Variants in FBXW7 observed in about 807,000 individuals in gnomAD.
FBXW7 encodes the protein F-box/WD repeat-containing protein 7.
FBXW7 carries 11 observed loss-of-function variants against 86.3 expected under a neutral mutation model. That is an observed-to-expected ratio of 0.13 (90% CI 0.08 to 0.21). FBXW7 has a LOEUF of 0.21. Among genes scored for constraint, FBXW7 ranks in the 10% least tolerant of loss-of-function variants. The pLI is 1.00. For synonymous variants in FBXW7, 313 were observed against 297.9 expected, an observed-to-expected ratio of 1.05 and a Z score of -0.52; for missense variants, 488 against 847.4, an observed-to-expected ratio of 0.58 and a Z score of 5.27.
chr4:152,389,044 C>T (rs1470948165), intron 4 of FBXW7, among the ~76,000 whole-genome samples: 1 of 151,884 alleles, frequency 6.6e-6, no homozygotes, highest in Non-Finnish European at 1.5e-5. Context: ...AAATGTTCAA[C>T]ATCATTATCA....
At chr4:152,378,594 G>T (rs186446370) in intron 4 of FBXW7, among the ~76,000 whole-genome samples, 43 of 152,270 alleles carry the variant, frequency 2.8e-4, no homozygotes, top group Non-Finnish European at 5.0e-4. Context: ...TACTAAAATA[G>T]TAACACTGAA....
At chr4:152,430,834 T>C (rs1163808372) in intron 2 of FBXW7, among the ~76,000 whole-genome samples, 1 of 152,230 alleles carries the variant, frequency 6.6e-6, no homozygotes, top group Non-Finnish European at 1.5e-5. Flanking sequence ...TCTGACAATC[T>C]TTAAAATTAA....
intron 2 of FBXW7, among the ~76,000 whole-genome samples, chr4:152,458,041 G>A (rs1189079280): frequency 1.3e-5 from 2 of 151,688 alleles, no homozygotes; most frequent in Non-Finnish European, 2.9e-5. Context: ...ATGGAGTCTC[G>A]CTCTGTTGGC....
intron 4 of FBXW7, chr4:152,352,781 C>T (rs578238429): frequency 3.9e-5 from 63 of 1,599,204 alleles, no homozygotes; most frequent in East Asian, 2.0e-4. Context: ...TGAGAGAGAA[C>T]GGAGAAGATT....
chr4:152,386,673 T>G (rs1432423555), intron 4 of FBXW7, among the ~76,000 whole-genome samples: 1 of 152,146 alleles, frequency 6.6e-6, no homozygotes, highest in African/African-American at 2.4e-5. Context: ...ATCTTAGCCA[T>G]AGTGTCTTGG....
chr4:152,500,778 T>C (rs577864467), intron 2 of FBXW7, among the ~76,000 whole-genome samples: 64 of 152,204 alleles, frequency 4.2e-4, no homozygotes, highest in Non-Finnish European at 7.3e-4. Flanking sequence ...TACAGAAATG[T>C]ATTCAAAAGA....
In FBXW7 at chr4:152,411,666, T is replaced by C. The variant is rs1472384625; in HGVS notation, c.138A>G (p.Arg46=). The change falls in exon 4 of 14, where the codon AGA becomes AGG. Residue 46 remains arginine, a synonymous_variant. Transcript: ENST00000281708. ...VVEEEQQQQL[R]QQEEEHTARN... ...TTGCAGTGTGCTCCTCCTCTTGTTG[T>C]CTGAGTTGCTGTTGCTGTTCCTCCT... The C allele has an allele frequency of 6.2e-6, 10 of 1,613,912 alleles. No individual in the cohort carries two copies. The highest frequency in any genetic ancestry group is 5.0e-5 in the Admixed American group (3 of 59,974).
chr4:152,471,096 G>A (rs1743912640), intron 2 of FBXW7, among the ~76,000 whole-genome samples: 1 of 151,842 alleles, frequency 6.6e-6, no homozygotes, highest in African/African-American at 2.4e-5. Flanking sequence ...TTTCTCATGA[G>A]TAAGCCACAT....
chr4:152,329,807 T>C (rs747938212), intron 9 of FBXW7, 22 bp from the exon 10 acceptor site: 2 of 1,316,900 alleles, frequency 1.5e-6, no homozygotes, highest in Non-Finnish European at 2.1e-6. Context: ...ATGTGCAGAT[T>C]AGAAATATGT....
At chr4:152,500,658 A>ATGGTAAC (rs1746857185) in intron 2 of FBXW7, among the ~76,000 whole-genome samples, 1 of 152,112 alleles carries the variant, frequency 6.6e-6, no homozygotes, top group African/African-American at 2.4e-5. Flanking sequence ...TTCCCCATGG[A>ATGGTAAC]TGGTAACTGT....
At chr4:152,499,401 T>C (rs1038664060) in intron 2 of FBXW7, among the ~76,000 whole-genome samples, 4 of 152,120 alleles carry the variant, frequency 2.6e-5, no homozygotes, top group East Asian at 1.9e-4. Context: ...AACATGAACA[T>C]GCAAATTTAT....
intron 2 of FBXW7, among the ~76,000 whole-genome samples, chr4:152,507,640 A>G (rs1258849607): frequency 1.3e-5 from 2 of 152,218 alleles, no homozygotes; most frequent in Non-Finnish European, 2.9e-5. Flanking sequence ...GGCAGGGGGA[A>G]TGGAAGAATT....
At chr4:152,387,607 T>TAAAAA (rs140171187) in intron 4 of FBXW7, among the ~76,000 whole-genome samples, 1 of 129,200 alleles carries the variant, frequency 7.7e-6, no homozygotes, top group African/African-American at 2.9e-5. Context: ...GCAAAAACTG[T>TAAAAA]AAAAAAAAAA....
At position 152,375,175 on chromosome 4, in the gene FBXW7, G is replaced by A. The variant is rs774975611; in HGVS notation, c.502-25051C>T. Among the ~76,000 whole-genome samples the A allele has an allele frequency of 4.9e-4, 75 of 151,920 alleles. 1 individual carries two copies. Among genetic ancestry groups the A allele is most frequent in the Non-Finnish European group, 8.8e-5 (6 of 67,918 alleles). Reference sequence around the variant, plus strand: ...TAAGTAACAGTGCTATAGGAAACAGGCAAGTATTTCTGGCAGCTGCTCCTG... The same window carrying A: ...TAAGTAACAGTGCTATAGGAAACAGACAAGTATTTCTGGCAGCTGCTCCTG... On this transcript the variant is annotated intron_variant, in intron 4 of 13. Coordinates refer to ENST00000281708, the MANE Select transcript of FBXW7 (RefSeq NM_001349798.2).
chr4:152,471,190 G>GAA (rs139335427), intron 2 of FBXW7, among the ~76,000 whole-genome samples: 2 of 149,874 alleles, frequency 1.3e-5, no homozygotes, highest in East Asian at 1.9e-4. Context: ...GAAAAGGTGG[G>GAA]AAAAAAAATA....
Position 152,321,405 on chromosome 4 carries a change from G to C in FBXW7, c.*1476C>G, listed in dbSNP as rs1284167652. ...AACTAAAATTAACCAACTTGAATCTGATTGTTTTAAATCAGACTATAAATA... is the reference window on the plus strand; with the variant it reads ...AACTAAAATTAACCAACTTGAATCTCATTGTTTTAAATCAGACTATAAATA... On this transcript the variant is annotated 3_prime_UTR_variant, in exon 14 of 14. Coordinates refer to ENST00000281708, the MANE Select transcript of FBXW7 (RefSeq NM_001349798.2). The C allele has an allele frequency of 4.3e-6, 1 of 232,748 alleles. No homozygotes were observed. Among genetic ancestry groups the C allele is most frequent in the Non-Finnish European group, 8.5e-6 (1 of 117,600 alleles). 14.4% of individuals were successfully genotyped at this position (232,748 alleles called of 1,614,324 possible). A position where few individuals can be genotyped will look rare whatever the true frequency, so the allele number is the denominator to read the frequency against.
chr4:152,438,677 A>G (rs1197621257), intron 2 of FBXW7, among the ~76,000 whole-genome samples: 1 of 152,232 alleles, frequency 6.6e-6, no homozygotes, highest in Non-Finnish European at 1.5e-5. Flanking sequence ...TCTGTCTCAA[A>G]AAAACAAAAA....
chr4:152,396,381 C>T (rs1347842920), intron 4 of FBXW7, among the ~76,000 whole-genome samples: 2 of 151,888 alleles, frequency 1.3e-5, no homozygotes, highest in Non-Finnish European at 2.9e-5. Context: ...ATCGTCCTTC[C>T]CCAACCCCTC....
At chr4:152,504,652 G>A (rs1458401865) in intron 2 of FBXW7, among the ~76,000 whole-genome samples, 1 of 152,104 alleles carries the variant, frequency 6.6e-6, no homozygotes, top group Admixed American at 6.5e-5. Flanking sequence ...AAATACTTAA[G>A]TGTGTCTGAA....
Sources: gnomAD v4.1 joint callset for allele counts (sites outside exome capture counted in the v4.1 genomes callset) on GRCh38, gnomAD v4.1.1 for gene constraint, MANE v1.5 for transcripts, NCBI Gene and HGNC (gene_info 2026-07-23, HGNC 2026-07-21) for gene names.